NEGR1: variants seen among roughly 807,000 people sequenced by gnomAD.
NEGR1 encodes the protein neuronal growth regulator 1, also known as IgLON family member 4.
Under a neutral mutation model 40.9 loss-of-function variants are expected in NEGR1, and 10 were observed. The ratio of observed to expected loss-of-function variants is 0.24; its 90% CI spans 0.15 to 0.42. NEGR1 has a LOEUF of 0.42. NEGR1 is among the 10% of genes least tolerant of loss of function. The probability of loss-of-function intolerance (pLI) is 1.00; values close to 1 mark genes in which losing one functional copy is unlikely to be tolerated. For synonymous variants in NEGR1, 185 were observed against 166.8 expected (o/e 1.11, Z -0.84); for missense variants, 352 against 438.9 (o/e 0.80, Z 1.77).
chr1:72,248,616 T>TATA (rs1654985886), intron 1 of NEGR1, among the ~76,000 whole-genome samples: 1 of 146,710 alleles, frequency 6.8e-6, no homozygotes, highest in Non-Finnish European at 1.5e-5. Flanking sequence ...TTATTATTAT[T>TATA]TTAGACAGAG....
intron 2 of NEGR1, among the ~76,000 whole-genome samples, chr1:71,784,946 G>A (rs1367784298): frequency 1.3e-5 from 2 of 152,056 alleles, no homozygotes; most frequent in South Asian, 4.1e-4. Flanking sequence ...ATTTTATTTT[G>A]AAGACAAAAA....
intron 4 of NEGR1, among the ~76,000 whole-genome samples, chr1:71,635,401 A>G (rs1183473068): frequency 6.6e-6 from 1 of 152,124 alleles, no homozygotes; most frequent in Non-Finnish European, 1.5e-5. Context: ...AGGAGAGAAG[A>G]GTCAGGACAT....
chr1:71,899,618 C>G (rs993642222), intron 2 of NEGR1, among the ~76,000 whole-genome samples: 6 of 152,024 alleles, frequency 3.9e-5, no homozygotes, highest in Admixed American at 2.0e-4. Flanking sequence ...GAAATTAAAC[C>G]CTATATTTAT....
chr1:71,844,261 G>A (rs545196244), intron 2 of NEGR1, among the ~76,000 whole-genome samples: 3 of 152,250 alleles, frequency 2.0e-5, no homozygotes, highest in African/African-American at 7.2e-5. Context: ...GAAAAGAGCA[G>A]AATGCAAGAA....
intron 6 of NEGR1, among the ~76,000 whole-genome samples, chr1:71,419,554 T>C (rs1245722725): frequency 6.6e-6 from 1 of 152,176 alleles, no homozygotes; most frequent in Non-Finnish European, 1.5e-5. Context: ...TAAATCTGTT[T>C]TTTTTCCTCA....
chr1:71,663,286 GTGCAACT>G (rs1478347257), intron 4 of NEGR1, among the ~76,000 whole-genome samples: 1 of 151,946 alleles, frequency 6.6e-6, no homozygotes, highest in African/African-American at 2.4e-5. Flanking sequence ...GTGGTTACGT[GTGCAACT>G]TGAAATAGCA....
chr1:71,994,514 G>A (rs1646485629), intron 1 of NEGR1, among the ~76,000 whole-genome samples: 1 of 149,878 alleles, frequency 6.7e-6, no homozygotes, highest in African/African-American at 2.5e-5. Flanking sequence ...GGCGACAGAG[G>A]GAGACTCTGT....
At chr1:71,736,317 A>T (rs1655039443) in intron 3 of NEGR1, among the ~76,000 whole-genome samples, 1 of 152,142 alleles carries the variant, frequency 6.6e-6, no homozygotes, top group Non-Finnish European at 1.5e-5. Flanking sequence ...ATATTTAAAG[A>T]TCTTGTATAC....
At chr1:72,211,021 A>G (rs1049582897) in intron 1 of NEGR1, among the ~76,000 whole-genome samples, 9 of 151,846 alleles carry the variant, frequency 5.9e-5, no homozygotes, top group African/African-American at 2.2e-4. Flanking sequence ...TACAATAAAC[A>G]TGCACAGTTT....
At chr1:71,962,518 C>A (rs1466960922) in intron 1 of NEGR1, among the ~76,000 whole-genome samples, 1 of 151,946 alleles carries the variant, frequency 6.6e-6, no homozygotes, top group East Asian at 1.9e-4. Flanking sequence ...GGGAATTAGC[C>A]TGCAATCATT....
chr1:71,801,628 A>G (rs1657561666), intron 2 of NEGR1, among the ~76,000 whole-genome samples: 2 of 152,110 alleles, frequency 1.3e-5, no homozygotes, highest in South Asian at 4.1e-4. Context: ...CACACTCCAC[A>G]TATATTATCA....
chr1:71,544,931 C>G (rs1456499888), intron 6 of NEGR1, among the ~76,000 whole-genome samples: 3 of 151,684 alleles, frequency 2.0e-5, no homozygotes, highest in Non-Finnish European at 4.4e-5. Flanking sequence ...TCTTTCCTCC[C>G]CTAAAACTGA....
intron 1 of NEGR1, among the ~76,000 whole-genome samples, chr1:71,965,337 T>G (rs75361483): frequency 0.023 from 3,496 of 152,298 alleles, 123 homozygotes; most frequent in African/African-American, 0.079. Context: ...ATATTACTAA[T>G]AACTTTAGCG....
At chr1:71,418,504 C>T (rs1454346089) in intron 6 of NEGR1, among the ~76,000 whole-genome samples, 2 of 151,870 alleles carry the variant, frequency 1.3e-5, no homozygotes, top group Non-Finnish European at 2.9e-5. Flanking sequence ...TAATATGTAG[C>T]TCCTCTAAGA....
At chr1:71,682,438 G>T (rs1296517038) in intron 4 of NEGR1, among the ~76,000 whole-genome samples, 1 of 152,100 alleles carries the variant, frequency 6.6e-6, no homozygotes, top group African/African-American at 2.4e-5. Flanking sequence ...TTTGTTATAT[G>T]AGACTGGATT....
chr1:72,095,804 A>G lies in NEGR1; in HGVS notation c.177-160493T>C, dbSNP rs950548384. 5.3e-5 allele frequency among the ~76,000 whole-genome samples: 8 copies of G among 152,248 alleles called. No individual in the cohort carries two copies. In the South Asian group the frequency reaches 1.2e-3, roughly 24 times the overall value. On this transcript the variant is annotated intron_variant, in intron 1 of 6. Transcript: ENST00000357731. Reference sequence around the variant, plus strand: ...TGATAGCAAGCCTTAACCCAAGCCAATCTCAGGTTAGGAATACCTACGAGG... The same window carrying G: ...TGATAGCAAGCCTTAACCCAAGCCAGTCTCAGGTTAGGAATACCTACGAGG...
intron 4 of NEGR1, 96 bp downstream of exon 4, chr1:71,697,912 A>G (rs1653539148): frequency 8.3e-7 from 1 of 1,205,132 alleles, no homozygotes; most frequent in African/African-American, 1.5e-5. Flanking sequence ...CCAATAGACA[A>G]CCTCTTAAAA....
intron 2 of NEGR1, among the ~76,000 whole-genome samples, chr1:71,790,775 A>T (rs952374647): frequency 1.3e-5 from 2 of 152,114 alleles, no homozygotes; most frequent in Non-Finnish European, 2.9e-5. Context: ...TGAGTCAAAT[A>T]ATACTGTTAG....
chr1:71,930,151 T>G (rs984056674), intron 2 of NEGR1, among the ~76,000 whole-genome samples: 1 of 151,822 alleles, frequency 6.6e-6, no homozygotes, highest in East Asian at 1.9e-4. Flanking sequence ...AATTTATTTT[T>G]AAATTTTTTT....
Sources: gnomAD v4.1 joint callset for allele counts (sites outside exome capture counted in the v4.1 genomes callset) on GRCh38, gnomAD v4.1.1 for gene constraint, MANE v1.5 for transcripts, NCBI Gene and HGNC (gene_info 2026-07-23, HGNC 2026-07-21) for gene names.